Variants in CUEDC1 observed in about 807,000 individuals in gnomAD.
CUEDC1 encodes the protein CUE domain containing 1, also known as CUE domain-containing protein 1.
Under a neutral mutation model 43.7 loss-of-function variants are expected in CUEDC1, and 30 were observed. The observed-to-expected ratio is 0.69, with a 90% CI of 0.51 to 0.93. The LOEUF is 0.93. Among genes scored for constraint, CUEDC1 ranks in the 40% least tolerant of loss-of-function variants. CUEDC1 has a pLI of 0.00. For missense variants in CUEDC1, 486 were observed against 549.0 expected (o/e 0.89, Z 1.15); for synonymous variants, 223 against 223.6 (o/e 1.00, Z 0.02).
At chr17:57,949,622 G>T (rs1197192483) in intron 1 of CUEDC1, among the ~76,000 whole-genome samples, 6 of 144,074 alleles carry the variant, frequency 4.2e-5, no homozygotes. Flanking sequence ...ACCCAGGCTG[G>T]AGTGCAGTGG....
At chr17:57,879,859 G>T in intron 2 of CUEDC1, 121 bp from the exon 3 acceptor site, 1 of 1,027,692 alleles carries the variant, frequency 9.7e-7, no homozygotes, top group Non-Finnish European at 1.4e-6. Context: ...GTTGCTAGTG[G>T]GAGTGTAAAT....
intron 1 of CUEDC1, among the ~76,000 whole-genome samples, chr17:57,892,018 C>T (rs567667910): frequency 6.6e-6 from 1 of 152,266 alleles, no homozygotes; most frequent in South Asian, 2.1e-4. Context: ...GGTCAATAGA[C>T]ATTTATTAGG....
chr17:57,946,870 A>G (rs2074964496), intron 1 of CUEDC1, among the ~76,000 whole-genome samples: 1 of 150,996 alleles, frequency 6.6e-6, no homozygotes, highest in African/African-American at 2.4e-5. Context: ...GCCTTCCCCA[A>G]CTCCATCTCG....
At chr17:57,952,284 T>C (rs1310485323) in intron 1 of CUEDC1, among the ~76,000 whole-genome samples, 1 of 151,904 alleles carries the variant, frequency 6.6e-6, no homozygotes, top group Non-Finnish European at 1.5e-5. Flanking sequence ...TGGAGTGCAA[T>C]GGCACAACTT....
intron 1 of CUEDC1, among the ~76,000 whole-genome samples, chr17:57,895,707 C>T (rs1009828347): frequency 1.3e-5 from 2 of 152,212 alleles, no homozygotes; most frequent in Non-Finnish European, 2.9e-5. Flanking sequence ...CCCTGCCCCT[C>T]CCCTCCCAGG....
At chr17:57,902,526 A>G (rs2074483993) in intron 1 of CUEDC1, among the ~76,000 whole-genome samples, 1 of 152,216 alleles carries the variant, frequency 6.6e-6, no homozygotes, top group Non-Finnish European at 1.5e-5. Flanking sequence ...CATGTGCAAA[A>G]TAACTAAAGA....
chr17:57,922,331 C>G (rs967473757), intron 1 of CUEDC1: 1 of 152,202 alleles, frequency 6.6e-6, no homozygotes, highest in Non-Finnish European at 1.5e-5. Flanking sequence ...CTCCTTTCCT[C>G]AAGACTTGTC....
intron 5 of CUEDC1, 68 bp downstream of exon 5, chr17:57,872,595 C>T: frequency 3.8e-6 from 6 of 1,569,626 alleles, no homozygotes; most frequent in Non-Finnish European, 5.2e-6. Context: ...TTTTCCTGAG[C>T]CCCAAGGCTA....
At chr17:57,949,100 T>C (rs896976910) in intron 1 of CUEDC1, among the ~76,000 whole-genome samples, 9 of 152,142 alleles carry the variant, frequency 5.9e-5, no homozygotes, top group Non-Finnish European at 1.3e-4. Context: ...GGGAGAACAA[T>C]GTGCTCCCAT....
In CUEDC1 at chr17:57,906,356, T is replaced by C. The variant is rs74498801; in HGVS notation, c.-315-20477A>G. On this transcript the variant is annotated intron_variant, in intron 1 of 10. Transcript: ENST00000577830. ...TATACTAAGTGACAGAAGCCAGACA[T>C]AGAAGTACAAATATTGTATAATTCC... 9.8e-5 allele frequency among the ~76,000 whole-genome samples: 15 copies of C among 152,302 alleles called. No homozygotes were observed. In the East Asian group the frequency reaches 2.5e-3, roughly 25 times the overall value.
At chr17:57,880,415 G>A (rs548475374) in intron 2 of CUEDC1, among the ~76,000 whole-genome samples, 4 of 152,310 alleles carry the variant, frequency 2.6e-5, no homozygotes, top group African/African-American at 9.6e-5. Context: ...CTTCAACTTG[G>A]ACCACAAGGG....
intron 3 of CUEDC1, 123 bp downstream of exon 3, chr17:57,879,488 G>A (rs2074173373): frequency 7.9e-7 from 1 of 1,271,604 alleles, no homozygotes; most frequent in South Asian, 1.9e-5. Flanking sequence ...TCTTGCTGCA[G>A]TAGAAGCCTG....
chr17:57,894,153 A>G (rs1194896863), intron 1 of CUEDC1, among the ~76,000 whole-genome samples: 1 of 152,234 alleles, frequency 6.6e-6, no homozygotes, highest in Non-Finnish European at 1.5e-5. Flanking sequence ...CCTCTTTGCC[A>G]GGAAGAAGCC....
chr17:57,885,227 A>G lies in CUEDC1; in HGVS notation c.336+2T>C, dbSNP rs745766065. 1.9e-6 allele frequency: 3 copies of G among 1,555,630 alleles called. No individual in the cohort carries two copies. Among genetic ancestry groups the G allele is most frequent in the East Asian group, 2.4e-5 (1 of 41,700 alleles). ...TTGGAATTACCCGGGCTGCGCCCCTACCTCCGGGGGGATGCTGTCCTCCGA... is the reference window on the plus strand; with the variant it reads ...TTGGAATTACCCGGGCTGCGCCCCTGCCTCCGGGGGGATGCTGTCCTCCGA... On this transcript the variant is annotated splice_donor_variant, in intron 2 of 10. Coordinates refer to ENST00000577830, the MANE Select transcript of CUEDC1 (RefSeq NM_001271875.2). LOFTEE classifies it high-confidence loss of function.
intron 3 of CUEDC1, among the ~76,000 whole-genome samples, chr17:57,877,145 G>A (rs2074136903): frequency 6.6e-6 from 1 of 152,160 alleles, no homozygotes; most frequent in Non-Finnish European, 1.5e-5. Flanking sequence ...CCTGAGTTAG[G>A]CTCCAGAACC....
intron 1 of CUEDC1, among the ~76,000 whole-genome samples, chr17:57,915,966 T>C (rs746781355): frequency 9.2e-5 from 14 of 152,200 alleles, no homozygotes; most frequent in Non-Finnish European, 1.8e-4. Context: ...AGAACAATCA[T>C]ATGACAAAAA....
intron 1 of CUEDC1, among the ~76,000 whole-genome samples, chr17:57,905,290 A>ACACACACT (rs1007711626): frequency 6.9e-6 from 1 of 145,704 alleles, no homozygotes; most frequent in African/African-American, 2.5e-5. Context: ...ACACACACAC[A>ACACACACT]CTCCAGCCTG....
At chr17:57,872,639 G>C in intron 5 of CUEDC1, 24 bp downstream of exon 5, 1 of 1,611,710 alleles carries the variant, frequency 6.2e-7, no homozygotes, top group Non-Finnish European at 8.5e-7. Context: ...CAGCCAGGGA[G>C]AAGTGGCTGC....
intron 9 of CUEDC1, 91 bp from the exon 10 acceptor site, chr17:57,866,635 T>A: frequency 7.9e-7 from 1 of 1,268,792 alleles, no homozygotes; most frequent in Non-Finnish European, 1.1e-6. Flanking sequence ...CTGACCCGAC[T>A]CTCTCTGCCC....
Sources: allele counts gnomAD v4.1 joint callset (sites outside exome capture counted in the v4.1 genomes callset), GRCh38; gene constraint gnomAD v4.1.1; transcripts MANE v1.5; gene names NCBI Gene and HGNC (gene_info 2026-07-23, HGNC 2026-07-21).